The following OSTN variants were observed in gnomAD, a reference collection of about 807,000 sequenced individuals.
OSTN encodes osteocrin.
Under a neutral mutation model 12.0 loss-of-function variants are expected in OSTN, and 9 were observed. The ratio of observed to expected loss-of-function variants is 0.75; its 90% confidence interval spans 0.45 to 1.30. The LOEUF (loss-of-function observed/expected upper bound fraction) is 1.30. Ranked by LOEUF, OSTN falls within the 50% of genes most tolerant of loss-of-function variation. The pLI is 0.00. For synonymous variants in OSTN, 59 were observed against 56.9 expected, an observed-to-expected ratio of 1.04 and a Z score of -0.16; for missense variants, 148 against 152.3, an observed-to-expected ratio of 0.97 and a Z score of 0.15.
rs566962220 is a variant in OSTN, at chr3:191,219,731, C to G, written c.317+770C>G. 4.6e-5 allele frequency among the ~76,000 whole-genome samples: 7 copies of G among 152,314 alleles called. No individual in the cohort carries two copies. In the South Asian group the frequency reaches 1.2e-3, roughly 27 times the overall value. On this transcript the variant is annotated intron_variant, in intron 3 of 4. Transcript: ENST00000682035. Reference sequence around the variant, plus strand: ...CCACACAAGTACCATAGACAGGAATCTGGGAAATTGACCAAGATTCCTTTA... The same window carrying G: ...CCACACAAGTACCATAGACAGGAATGTGGGAAATTGACCAAGATTCCTTTA...
chr3:191,201,001 G>A (rs1265459179), intron 1 of OSTN, among the ~76,000 whole-genome samples: 1 of 152,114 alleles, frequency 6.6e-6, no homozygotes, highest in East Asian at 1.9e-4. Flanking sequence ...GATACAACAA[G>A]TAAGCTACAA....
rs1714691118 is a variant in OSTN, at chr3:191,218,846, T to C, written c.202T>C (p.Leu68=). Reference sequence around the variant, plus strand: ...AGCAAAACTCTTGCTTCTTGATGAATTGGTGTCCCTAGAAAATGATGTGAT... The same window carrying C: ...AGCAAAACTCTTGCTTCTTGATGAACTGGTGTCCCTAGAAAATGATGTGAT... ...LTAKLLLLDE[L]VSLENDVIET... is the part of the protein sequence containing the mutation. The change falls in exon 3 of 5, where the codon TTG becomes CTG. Residue 68 remains leucine, a synonymous_variant. Coordinates refer to ENST00000682035, the MANE Select transcript of OSTN (RefSeq NM_198184.2). 2.5e-6 allele frequency: 4 copies of C among 1,613,992 alleles called. No homozygotes were observed. The highest frequency in any genetic ancestry group is 2.5e-6 in the Non-Finnish European group (3 of 1,180,000).
At chr3:191,199,595 T>C (rs993464941) in intron 1 of OSTN, among the ~76,000 whole-genome samples, 1 of 152,114 alleles carries the variant, frequency 6.6e-6, no homozygotes, top group African/African-American at 2.4e-5. Flanking sequence ...ATATATATGT[T>C]ATTAGCGTTA....
chr3:191,257,630 CA>C (rs1397607928), intron 4 of OSTN, among the ~76,000 whole-genome samples: 1 of 152,152 alleles, frequency 6.6e-6, no homozygotes, highest in Non-Finnish European at 1.5e-5. Flanking sequence ...GACTCGGAAA[CA>C]AATTAATCAA....
chr3:191,224,527 C>T (rs907555343), intron 3 of OSTN, among the ~76,000 whole-genome samples: 2 of 151,988 alleles, frequency 1.3e-5, no homozygotes, highest in Admixed American at 6.6e-5. Context: ...GAACTTTGGA[C>T]TACAATAATA....
chr3:191,255,740 AC>A (rs1715656242), intron 4 of OSTN, among the ~76,000 whole-genome samples: 1 of 152,124 alleles, frequency 6.6e-6, no homozygotes, highest in African/African-American at 2.4e-5. Flanking sequence ...GAAAAAAAAA[AC>A]AAAAATAATC....
chr3:191,250,198 A>C, intron 4 of OSTN, 65 bp downstream of exon 4: 1 of 1,227,614 alleles, frequency 8.1e-7, no homozygotes, highest in Non-Finnish European at 1.2e-6. Flanking sequence ...CAATGGACTA[A>C]TCAATCCATT....
intron 4 of OSTN, among the ~76,000 whole-genome samples, chr3:191,260,046 T>C (rs1715771633): frequency 6.6e-6 from 1 of 151,794 alleles, no homozygotes; most frequent in African/African-American, 2.4e-5. Flanking sequence ...GAGATGGGGT[T>C]TCACCATGTA....
intron 1 of OSTN, among the ~76,000 whole-genome samples, chr3:191,208,026 T>C (rs1440233149): frequency 6.6e-6 from 1 of 152,182 alleles, no homozygotes; most frequent in Admixed American, 6.5e-5. Context: ...GTCTAAAAAA[T>C]GAAGGACGTA....
At chr3:191,203,152 C>T (rs566538074) in intron 1 of OSTN, among the ~76,000 whole-genome samples, 2 of 152,278 alleles carry the variant, frequency 1.3e-5, no homozygotes, top group African/African-American at 4.8e-5. Context: ...CCTTGGTTTT[C>T]GTATCAAGAA....
At chr3:191,219,673 C>G (rs773347945) in intron 3 of OSTN, among the ~76,000 whole-genome samples, 80 of 152,118 alleles carry the variant, frequency 5.3e-4, no homozygotes, top group Non-Finnish European at 9.6e-4. Flanking sequence ...GTTCTTCATA[C>G]TGTACATTTC....
chr3:191,217,874 G>A (rs567119369), intron 2 of OSTN, among the ~76,000 whole-genome samples: 1 of 152,024 alleles, frequency 6.6e-6, no homozygotes, highest in African/African-American at 2.4e-5. Flanking sequence ...GATTAGTAAT[G>A]GCTTGAGTTA....
intron 3 of OSTN, 82 bp from the exon 4 acceptor site, chr3:191,249,955 A>G: frequency 9.7e-7 from 1 of 1,032,646 alleles, no homozygotes; most frequent in South Asian, 1.3e-5. Context: ...GAAAGCCCCC[A>G]GAGCTACATA....
In OSTN at chr3:191,264,533, T is replaced by A. The variant is rs890278610; in HGVS notation, c.*1680T>A. On this transcript the variant is annotated 3_prime_UTR_variant, in exon 5 of 5. Coordinates refer to ENST00000682035, the MANE Select transcript of OSTN (RefSeq NM_198184.2). Reference sequence around the variant, plus strand: ...GCCAAGAGAAGTGAATTTTGGGAAATCTAACCAATTCTTTTTTTCATAAAC... The same window carrying A: ...GCCAAGAGAAGTGAATTTTGGGAAAACTAACCAATTCTTTTTTTCATAAAC... The A allele has an allele frequency of 6.6e-6, 1 of 152,122 alleles. No homozygotes were observed. Among genetic ancestry groups the A allele is most frequent in the Non-Finnish European group, 1.5e-5 (1 of 67,962 alleles). 9.4% of individuals were successfully genotyped at this position (152,122 alleles called of 1,614,324 possible).
chr3:191,216,014 T>C (rs773828914), intron 2 of OSTN, among the ~76,000 whole-genome samples: 1 of 152,208 alleles, frequency 6.6e-6, no homozygotes, highest in African/African-American at 2.4e-5. Context: ...CCATGAGGGC[T>C]CCACCCCTTT....
chr3:191,230,870 T>C (rs552220623), intron 3 of OSTN, among the ~76,000 whole-genome samples: 1 of 152,324 alleles, frequency 6.6e-6, no homozygotes, highest in South Asian at 2.1e-4. Flanking sequence ...AAAAATGAAC[T>C]ATTTCTTTTC....
At chr3:191,226,121 C>T (rs566545573) in intron 3 of OSTN, among the ~76,000 whole-genome samples, 1 of 151,900 alleles carries the variant, frequency 6.6e-6, no homozygotes, top group Non-Finnish European at 1.5e-5. Flanking sequence ...ATATGAATAT[C>T]GAGACAAAAG....
chr3:191,224,936 A>G (rs773692457), intron 3 of OSTN, among the ~76,000 whole-genome samples: 24 of 152,230 alleles, frequency 1.6e-4, no homozygotes, highest in Admixed American at 5.2e-4. Context: ...AAGAACAGCA[A>G]AGTAAACCAA....
rs552834718 is a variant in OSTN at position 191,252,828 on chromosome 3, A to G, written c.*12+2695A>G. On this transcript the variant is annotated intron_variant, in intron 4 of 4. Transcript: ENST00000682035. ...TTTTATATTTTTATCTACTGTCAAC[A>G]ATATTCCTTTGAATTAAACAGGGGA... Among the ~76,000 whole-genome samples the G allele has an allele frequency of 1.2e-4, 19 of 152,378 alleles. No homozygotes were observed. In the South Asian group the frequency reaches 2.9e-3, roughly 23 times the overall value.
Sources: gnomAD v4.1 joint callset for allele counts (sites outside exome capture counted in the v4.1 genomes callset) on GRCh38, gnomAD v4.1.1 for gene constraint, MANE v1.5 for transcripts, NCBI Gene and HGNC (gene_info 2026-07-23, HGNC 2026-07-21) for gene names.